The following PTPRM variants were observed in gnomAD, a reference collection of about 807,000 sequenced individuals.
PTPRM encodes the protein receptor-type tyrosine-protein phosphatase mu.
In PTPRM, 47 loss-of-function variants were observed where a neutral mutation model predicts 186.7. The ratio of observed to expected loss-of-function variants is 0.25; its 90% CI spans 0.20 to 0.32. The LOEUF (loss-of-function observed/expected upper bound fraction) is 0.32, where lower values mean the gene tolerates loss of function less well. Among genes scored for constraint, PTPRM ranks in the 10% least tolerant of loss-of-function variants. The probability of loss-of-function intolerance (pLI) is 1.00; values close to 1 mark genes in which losing one functional copy is unlikely to be tolerated. For synonymous variants in PTPRM, 668 were observed against 674.9 expected, an observed-to-expected ratio of 0.99 and a Z score of 0.16; for missense variants, 1,494 against 1,865.0, an observed-to-expected ratio of 0.80 and a Z score of 3.66.
intron 9 of PTPRM, among the ~76,000 whole-genome samples, chr18:8,080,302 CTT>C: frequency 6.6e-6 from 1 of 152,276 alleles, no homozygotes; most frequent in Middle Eastern, 3.4e-3. Flanking sequence ...ATCCTACTAA[CTT>C]TACATATCTC....
At chr18:8,321,673 C>T (rs2095346652) in intron 22 of PTPRM, among the ~76,000 whole-genome samples, 1 of 152,198 alleles carries the variant, frequency 6.6e-6, no homozygotes, top group Admixed American at 6.5e-5. Flanking sequence ...GGCAGCCTTT[C>T]CCTGGTACAA....
At chr18:8,357,736 G>T (rs2095571186) in intron 23 of PTPRM, among the ~76,000 whole-genome samples, 1 of 152,132 alleles carries the variant, frequency 6.6e-6, no homozygotes, top group South Asian at 2.1e-4. Flanking sequence ...ATTCAATTTG[G>T]ACAGCAAATC....
At chr18:8,348,741 C>T (rs554592490) in intron 23 of PTPRM, among the ~76,000 whole-genome samples, 44 of 152,234 alleles carry the variant, frequency 2.9e-4, no homozygotes, top group Admixed American at 2.2e-3. Flanking sequence ...CTTTTTACAC[C>T]GGTAATTTAA....
Position 7,954,235 on chromosome 18 carries a change from C to G in PTPRM, c.839-886C>G, listed in dbSNP as rs141609001. 7.9e-4 allele frequency among the ~76,000 whole-genome samples: 121 copies of G among 152,216 alleles called. No homozygotes were observed. In the East Asian group the frequency reaches 0.02, roughly 25 times the overall value. On this transcript the variant is annotated intron_variant, in intron 6 of 32. Transcript: ENST00000580170. ...CTCAGATTTTAAACAAAGAGAGGGA[C>G]TTTCTTGGGTTGTAAAGTGTGTTTG...
rs546240316 is a variant in PTPRM at position 7,982,833 on chromosome 18, T to A, written c.1132+27419T>A. ...AGTGATATATGTGGTTCGTTGTTGA[T>A]GGAAATGTTGTTATGTGGCGTGTGA... On this transcript the variant is annotated intron_variant, in intron 7 of 32. Coordinates refer to ENST00000580170, the MANE Select transcript of PTPRM (RefSeq NM_001105244.2). 1.6e-4 allele frequency among the ~76,000 whole-genome samples: 25 copies of A among 152,150 alleles called. No homozygotes were observed. In the East Asian group the frequency reaches 3.5e-3, roughly 21 times the overall value.
intron 13 of PTPRM, among the ~76,000 whole-genome samples, chr18:8,117,967 T>C (rs748685539): frequency 6.6e-6 from 1 of 152,216 alleles, no homozygotes; most frequent in Non-Finnish European, 1.5e-5. Flanking sequence ...GATTAGTGTA[T>C]GTGTTTTCTT....
intron 7 of PTPRM, among the ~76,000 whole-genome samples, chr18:8,033,815 C>CTTTATAA (rs1192370957): frequency 2.6e-5 from 4 of 152,192 alleles, no homozygotes; most frequent in African/African-American, 9.6e-5. Flanking sequence ...CTAACATGAA[C>CTTTATAA]TTTATAACTT....
chr18:8,103,680 GC>G (rs1457396829), intron 11 of PTPRM, among the ~76,000 whole-genome samples: 1 of 152,180 alleles, frequency 6.6e-6, no homozygotes, highest in African/African-American at 2.4e-5. Context: ...CTCCATATCA[GC>G]AATAAAGCCG....
intron 20 of PTPRM, among the ~76,000 whole-genome samples, chr18:8,313,774 A>G (rs569761902): frequency 3.7e-4 from 56 of 151,910 alleles, no homozygotes; most frequent in Non-Finnish European, 7.5e-4. Context: ...CTCAAAGTCC[A>G]CTGTATCATT....
At chr18:8,118,057 TTGA>T (rs1468034000) in intron 13 of PTPRM, among the ~76,000 whole-genome samples, 1 of 152,164 alleles carries the variant, frequency 6.6e-6, no homozygotes, top group African/African-American at 2.4e-5. Flanking sequence ...GAAGGCTTCA[TTGA>T]TGATCAATTC....
chr18:8,126,008 TATATATATATATATATATA>T (rs1385397357), intron 13 of PTPRM, among the ~76,000 whole-genome samples: 17 of 22,518 alleles, frequency 7.5e-4, no homozygotes, highest in Non-Finnish European at 1.8e-3. Flanking sequence ...TATATATATA[TATATATATATATATATATA>T]TTTTAAATCA....
At chr18:8,174,253 A>G (rs1266686485) in intron 14 of PTPRM, among the ~76,000 whole-genome samples, 1 of 152,112 alleles carries the variant, frequency 6.6e-6, no homozygotes, top group African/African-American at 2.4e-5. Flanking sequence ...AAGGTGGTTT[A>G]GTTTTGGGGA....
chr18:8,332,702 C>T (rs999063972), intron 22 of PTPRM, among the ~76,000 whole-genome samples: 3 of 152,090 alleles, frequency 2.0e-5, no homozygotes, highest in African/African-American at 7.2e-5. Flanking sequence ...CAAGTACCCG[C>T]CAACCAGAGA....
At chr18:7,872,531 A>G (rs1240586760) in intron 2 of PTPRM, among the ~76,000 whole-genome samples, 1 of 152,226 alleles carries the variant, frequency 6.6e-6, no homozygotes, top group Non-Finnish European at 1.5e-5. Flanking sequence ...TACTGGTTAA[A>G]TGAAAGAAAA....
At chr18:7,896,147 A>T (rs1415154384) in intron 3 of PTPRM, among the ~76,000 whole-genome samples, 3 of 152,142 alleles carry the variant, frequency 2.0e-5, no homozygotes, top group African/African-American at 7.2e-5. Flanking sequence ...GTTGGGAAGC[A>T]GTGGGGAAGG....
intron 14 of PTPRM, among the ~76,000 whole-genome samples, chr18:8,171,270 A>G (rs749936164): frequency 6.6e-6 from 1 of 152,242 alleles, no homozygotes; most frequent in Non-Finnish European, 1.5e-5. Flanking sequence ...ATGTGCAGAA[A>G]TTCTACAGCT....
intron 4 of PTPRM, among the ~76,000 whole-genome samples, chr18:7,911,166 A>G (rs1437071258): frequency 6.6e-6 from 1 of 152,216 alleles, no homozygotes; most frequent in East Asian, 1.9e-4. Flanking sequence ...ATTTTATGTA[A>G]GCATGCATCA....
At chr18:7,914,906 G>A (rs1162833947) in intron 4 of PTPRM, among the ~76,000 whole-genome samples, 3 of 152,218 alleles carry the variant, frequency 2.0e-5, no homozygotes, top group East Asian at 1.9e-4. Context: ...CATGCATCCC[G>A]TACATTTCAA....
intron 1 of PTPRM, among the ~76,000 whole-genome samples, chr18:7,651,019 C>A (rs533587910): frequency 1.3e-5 from 2 of 151,192 alleles, no homozygotes; most frequent in African/African-American, 4.9e-5. Flanking sequence ...GCAAACTCTG[C>A]CTCTCAGGTT....
Sources: gnomAD v4.1 joint callset for allele counts (sites outside exome capture counted in the v4.1 genomes callset) on GRCh38, gnomAD v4.1.1 for gene constraint, MANE v1.5 for transcripts, NCBI Gene and HGNC (gene_info 2026-07-23, HGNC 2026-07-21) for gene names.